The following KCNAB1 variants were observed in gnomAD, a reference collection of about 807,000 sequenced individuals.
The protein encoded by KCNAB1 is potassium voltage-gated channel subfamily A regulatory beta subunit 1.
A neutral mutation model predicts 64.6 loss-of-function variants in KCNAB1; 35 were observed. The ratio of observed to expected loss-of-function variants is 0.54; its 90% CI spans 0.41 to 0.72. KCNAB1 has a LOEUF of 0.72. KCNAB1 is among the 30% of genes least tolerant of loss of function. KCNAB1 has a pLI of 0.00. For synonymous variants in KCNAB1, 177 were observed against 183.8 expected (o/e 0.96, Z 0.30); for missense variants, 401 against 512.9 (o/e 0.78, Z 2.11).
intron 2 of KCNAB1, among the ~76,000 whole-genome samples, chr3:156,445,335 A>G (rs1310498736): frequency 6.6e-6 from 1 of 152,122 alleles, no homozygotes; most frequent in East Asian, 1.9e-4. Context: ...GAAAAGGATG[A>G]GATGCTACCG....
intron 1 of KCNAB1, among the ~76,000 whole-genome samples, chr3:156,171,660 C>T (rs961209732): frequency 4.6e-5 from 7 of 152,242 alleles, no homozygotes; most frequent in Middle Eastern, 3.4e-3. Context: ...GAGTCCAATG[C>T]GAATGTACTG....
Position 156,460,712 on chromosome 3 carries a change from C to A in KCNAB1, c.482+841C>A, listed in dbSNP as rs147143064. Among the ~76,000 whole-genome samples the A allele has an allele frequency of 1.1e-4, 17 of 152,322 alleles. No homozygotes were observed. The East Asian group carries it at 3.3e-3, about 29-fold the overall frequency. ...ACAACTGTGGAAAGAGCTGTGTACT[C>A]ATGCTTCAACACTTAGCATGTATTT... On this transcript the variant is annotated intron_variant, in intron 5 of 13. Coordinates refer to ENST00000490337, the MANE Select transcript of KCNAB1 (RefSeq NM_172160.3).
chr3:156,399,989 A>G (rs1282559695), intron 1 of KCNAB1, among the ~76,000 whole-genome samples: 1 of 152,108 alleles, frequency 6.6e-6, no homozygotes, highest in Non-Finnish European at 1.5e-5. Flanking sequence ...ACACCCTCAC[A>G]CGCCTTCCAT....
intron 2 of KCNAB1, among the ~76,000 whole-genome samples, chr3:156,422,229 A>G (rs957758556): frequency 3.3e-5 from 5 of 152,234 alleles, no homozygotes; most frequent in African/African-American, 1.2e-4. Flanking sequence ...TTCTAACAGC[A>G]TAAAGATGAA....
At chr3:156,295,120 T>G in intron 1 of KCNAB1, among the ~76,000 whole-genome samples, 1 of 152,154 alleles carries the variant, frequency 6.6e-6, no homozygotes, top group East Asian at 1.9e-4. Flanking sequence ...TAGAAGATAT[T>G]CCTATGAAGT....
intron 1 of KCNAB1, among the ~76,000 whole-genome samples, chr3:156,243,493 G>C (rs1717287942): frequency 1.3e-5 from 2 of 152,218 alleles, no homozygotes; most frequent in African/African-American, 4.8e-5. Context: ...CTCCCAAAGT[G>C]CTGGGATTAT....
In KCNAB1 at chr3:156,479,104, G is replaced by T. The variant is rs77773448; in HGVS notation, c.658+4284G>T. Among the ~76,000 whole-genome samples the T allele has an allele frequency of 5.8e-3, 879 of 152,120 alleles. 9 individuals are homozygous for T. Among genetic ancestry groups the T allele is most frequent in the African/African-American group, 0.02 (829 of 41,526 alleles). The stretch of plus-strand genomic sequence containing the variant: ...AAGTCATTTTTCTTTCACAGCATCT[G>T]CCATGCCATCTGTCTCTGCTACAAT... On this transcript the variant is annotated intron_variant, in intron 8 of 13. Coordinates refer to ENST00000490337, the MANE Select transcript of KCNAB1 (RefSeq NM_172160.3).
intron 1 of KCNAB1, among the ~76,000 whole-genome samples, chr3:156,270,664 G>A (rs1194518590): frequency 2.6e-5 from 4 of 151,930 alleles, no homozygotes; most frequent in South Asian, 4.2e-4. Flanking sequence ...AAAAGTTCTC[G>A]TAGTTATTAT....
chr3:156,283,950 CCTT>C (rs1252206878), intron 1 of KCNAB1, among the ~76,000 whole-genome samples: 23 of 151,812 alleles, frequency 1.5e-4, no homozygotes, highest in African/African-American at 5.1e-4. Flanking sequence ...TCGTCTGAAG[CCTT>C]CTTCTCTCAG....
At chr3:156,371,151 C>T (rs544166082) in intron 1 of KCNAB1, among the ~76,000 whole-genome samples, 1 of 152,260 alleles carries the variant, frequency 6.6e-6, no homozygotes, top group East Asian at 1.9e-4. Context: ...TAAGGATATG[C>T]TTAGATTATT....
chr3:156,288,293 G>T (rs377352386), intron 1 of KCNAB1, among the ~76,000 whole-genome samples: 1 of 152,142 alleles, frequency 6.6e-6, no homozygotes, highest in Non-Finnish European at 1.5e-5. Context: ...ACATTCTGAG[G>T]TACTGGGGGT....
chr3:156,163,041 T>A (rs1246202860), intron 1 of KCNAB1, among the ~76,000 whole-genome samples: 1 of 152,238 alleles, frequency 6.6e-6, no homozygotes, highest in Non-Finnish European at 1.5e-5. Flanking sequence ...AGTTTAGGTG[T>A]GGTTTACTGA....
chr3:156,296,561 C>T lies in KCNAB1; in HGVS notation c.276-125055C>T, dbSNP rs371514508. On this transcript the variant is annotated intron_variant, in intron 1 of 13. Transcript: ENST00000490337. ...CCGTCTCAGCTCACTGCAAGGTCCGCCTCCTGGGTTCATGCCATTCTCCTG... is the reference window on the plus strand; with the variant it reads ...CCGTCTCAGCTCACTGCAAGGTCCGTCTCCTGGGTTCATGCCATTCTCCTG... 2.6e-5 allele frequency among the ~76,000 whole-genome samples: 4 copies of T among 150,944 alleles called. No homozygotes were observed. The East Asian group carries it at 7.8e-4, about 30-fold the overall frequency.
chr3:156,202,151 C>G (rs1423531874), intron 1 of KCNAB1, among the ~76,000 whole-genome samples: 1 of 152,182 alleles, frequency 6.6e-6, no homozygotes, highest in African/African-American at 2.4e-5. Context: ...GCTTCCACAC[C>G]AAACCCTCTA....
intron 1 of KCNAB1, among the ~76,000 whole-genome samples, chr3:156,329,638 G>A (rs962037864): frequency 1.3e-5 from 2 of 152,114 alleles, no homozygotes; most frequent in South Asian, 4.1e-4. Flanking sequence ...AACTCTCTCA[G>A]TGTCCCAAGT....
intron 1 of KCNAB1, chr3:156,176,215 T>C: frequency 1.3e-6 from 1 of 780,970 alleles, no homozygotes; most frequent in Non-Finnish European, 2.4e-6. Flanking sequence ...AGTCACTGAA[T>C]CTGCATGGCC....
chr3:156,529,179 C>A (rs1301576828), intron 12 of KCNAB1, among the ~76,000 whole-genome samples: 2 of 152,144 alleles, frequency 1.3e-5, no homozygotes, highest in African/African-American at 4.8e-5. Flanking sequence ...TATACGGGTA[C>A]ATAGTGCAAC....
At chr3:156,302,066 G>A (rs1721185810) in intron 1 of KCNAB1, among the ~76,000 whole-genome samples, 1 of 152,142 alleles carries the variant, frequency 6.6e-6, no homozygotes, top group South Asian at 2.1e-4. Flanking sequence ...CTTCTGGTTG[G>A]AAATCCATTT....
At chr3:156,265,818 C>T (rs1718669270) in intron 1 of KCNAB1, among the ~76,000 whole-genome samples, 1 of 152,048 alleles carries the variant, frequency 6.6e-6, no homozygotes, top group Non-Finnish European at 1.5e-5. Flanking sequence ...CATGGTGAAA[C>T]CCCATCTCTA....
Sources: allele counts gnomAD v4.1 joint callset (sites outside exome capture counted in the v4.1 genomes callset), GRCh38; gene constraint gnomAD v4.1.1; transcripts MANE v1.5; gene names NCBI Gene and HGNC (gene_info 2026-07-23, HGNC 2026-07-21).